Variants in RCBTB1 observed in about 807,000 individuals in gnomAD.
RCBTB1 encodes RCC1 and BTB domain containing protein 1, also known as RCC1 and BTB domain-containing protein 1.
A neutral mutation model predicts 62.4 loss-of-function variants in RCBTB1; 46 were observed. The observed-to-expected ratio is 0.74, with a 90% confidence interval of 0.58 to 0.94. The LOEUF is 0.94. RCBTB1 is among the 40% of genes least tolerant of loss of function. The pLI, the probability that RCBTB1 is intolerant of heterozygous loss-of-function variation, is 0.00. For missense variants in RCBTB1, 565 were observed against 654.9 expected (o/e 0.86, Z 1.50); for synonymous variants, 222 against 245.8 (o/e 0.90, Z 0.91).
intron 5 of RCBTB1, among the ~76,000 whole-genome samples, chr13:49,556,601 C>T (rs547308103): frequency 6.6e-6 from 1 of 152,250 alleles, no homozygotes; most frequent in East Asian, 1.9e-4. Flanking sequence ...TAAGCCCCCG[C>T]TCCCCACCCT....
At chr13:49,553,690 T>C (rs1961592287) in intron 6 of RCBTB1, among the ~76,000 whole-genome samples, 1 of 152,056 alleles carries the variant, frequency 6.6e-6, no homozygotes, top group Admixed American at 6.6e-5. Flanking sequence ...AGACATAGAC[T>C]GGGGCTTTTC....
At chr13:49,569,727 A>AAAAAAG (rs1963273639) in intron 2 of RCBTB1, among the ~76,000 whole-genome samples, 1 of 151,240 alleles carries the variant, frequency 6.6e-6, no homozygotes, top group Admixed American at 6.6e-5. Context: ...TCAAAAAAAA[A>AAAAAAG]AAAGAAAGAA....
rs766281507 is a variant in RCBTB1 at position 49,540,874 on chromosome 13, A to T, written c.1455+2T>A. ...CTGGTTTCTGTTTGTTGTTTAAGTT[A>T]CCTCTGCATCATATCTGACTGCAGC... On this transcript the variant is annotated splice_donor_variant, in intron 12 of 12. Coordinates refer to ENST00000378302, the MANE Select transcript of RCBTB1 (RefSeq NM_018191.4). LOFTEE classifies it high-confidence loss of function. 6.2e-7 allele frequency: 1 copy of T among 1,611,502 alleles called. No individual in the cohort carries two copies. The highest frequency in any genetic ancestry group is 8.5e-7 in the Non-Finnish European group (1 of 1,179,356).
chr13:49,536,938 G>A (rs1294807142), intron 12 of RCBTB1, among the ~76,000 whole-genome samples: 1 of 152,130 alleles, frequency 6.6e-6, no homozygotes, highest in African/African-American at 2.4e-5. Flanking sequence ...TATATACTCT[G>A]AAAATAAGCT....
At chr13:49,583,215 G>A (rs995602020) in intron 1 of RCBTB1, among the ~76,000 whole-genome samples, 1 of 151,996 alleles carries the variant, frequency 6.6e-6, no homozygotes, top group Non-Finnish European at 1.5e-5. Flanking sequence ...GGGTAAAATG[G>A]TGAAGTCTGA....
In RCBTB1 at chr13:49,567,194, G is replaced by A. The variant is rs202123523; in HGVS notation, c.86C>T (p.Thr29Ile). The A allele has an allele frequency of 6.2e-6, 10 of 1,614,036 alleles. 1 individual carries two copies. In the South Asian group the frequency reaches 6.6e-5, roughly 11 times the overall value. Reference protein sequence around the residue: ...ASIRKACVFGTSASEALYVTD... With the variant: ...ASIRKACVFGISASEALYVTD... Reference sequence around the variant, plus strand: ...AACGTACAGTGCTTCACTGGCTGAGGTGCCGAAGACACACGCCTTCCGAAT... The same window carrying A: ...AACGTACAGTGCTTCACTGGCTGAGATGCCGAAGACACACGCCTTCCGAAT... The change falls in exon 3 of 13, where the codon ACC (threonine) becomes ATC (isoleucine). Residue 29 changes from threonine (T) to isoleucine (I), a missense_variant. Transcript: ENST00000378302.
At chr13:49,549,050 T>G (rs1961081305) in intron 9 of RCBTB1, among the ~76,000 whole-genome samples, 1 of 105,486 alleles carries the variant, frequency 9.5e-6, no homozygotes, top group Non-Finnish European at 1.8e-5. Flanking sequence ...GAAAATCTCT[T>G]GAACTCGGGA....
rs1261129889 is a variant in RCBTB1 at position 49,534,104 on chromosome 13, AC to A, written c.*17del. 1.9e-6 allele frequency: 3 copies of A among 1,612,004 alleles called. No homozygotes were observed. The highest frequency in any genetic ancestry group is 2.2e-5 in the East Asian group (1 of 44,868). ...CAGTGCCCCAGAGCACTCACACAGA[AC>A]CCAGCAGCCTTGCGCTTCAGTTCTT... On this transcript the variant is annotated 3_prime_UTR_variant, in exon 13 of 13. Transcript: ENST00000378302.
chr13:49,534,393 T>A, intron 12 of RCBTB1, 131 bp from the exon 13 acceptor site: 1 of 882,542 alleles, frequency 1.1e-6, no homozygotes, highest in Admixed American at 2.8e-5. Flanking sequence ...GCCAGATACC[T>A]AAAACTAGGC....
intron 2 of RCBTB1, among the ~76,000 whole-genome samples, chr13:49,574,735 TAGC>T (rs1963655595): frequency 6.6e-6 from 1 of 151,354 alleles, no homozygotes; most frequent in Non-Finnish European, 1.5e-5. Context: ...ACTCCATTTC[TAGC>T]ATATACCCCA....
chr13:49,551,487 G>A lies in RCBTB1; in HGVS notation c.712-19C>T, dbSNP rs751620467. ...AGACAATCTGCAAGTAAATTGAAAC[G>A]GTTACCATTAGCAGGAAAACAGGAA... On this transcript the variant is annotated intron_variant, in intron 7 of 12. Transcript: ENST00000378302. The A allele has an allele frequency of 5.6e-6, 9 of 1,613,562 alleles. No individual in the cohort carries two copies. The highest frequency in any genetic ancestry group is 1.1e-5 in the South Asian group (1 of 90,980).
Position 49,547,018 on chromosome 13 carries a change from C to G in RCBTB1, c.1046-2155G>C, listed in dbSNP as rs190417544. 2.1e-5 allele frequency: 25 copies of G among 1,195,172 alleles called. No individual in the cohort carries two copies. In the Admixed American group the frequency reaches 8.6e-4, roughly 41 times the overall value. The allele number at this position is 1,195,172 out of a possible 1,614,324, so 74.0% of individuals were successfully genotyped here. A position where few individuals can be genotyped will look rare whatever the true frequency, so the allele number is the denominator to read the frequency against. ...CCTGTGCCATTTTAAGATATAAGAA[C>G]TGGGGGAAGCCTTTTATAACAAGTC... On this transcript the variant is annotated intron_variant, in intron 9 of 12. Transcript: ENST00000378302.
chr13:49,547,270 T>C, intron 9 of RCBTB1: 2 of 975,442 alleles, frequency 2.1e-6, no homozygotes, highest in Middle Eastern at 2.5e-4. Context: ...CAAGCTTAAC[T>C]CTTCCTAAGC....
intron 10 of RCBTB1, 108 bp from the exon 11 acceptor site, chr13:49,541,935 G>A: frequency 7.8e-7 from 1 of 1,287,092 alleles, no homozygotes; most frequent in Non-Finnish European, 1.0e-6. Flanking sequence ...GTATCCTTGG[G>A]CCGGGCGTGG....
chr13:49,571,435 C>A (rs1422860675), intron 2 of RCBTB1, among the ~76,000 whole-genome samples: 2 of 152,192 alleles, frequency 1.3e-5, no homozygotes, highest in Non-Finnish European at 2.9e-5. Context: ...TCATGAATGT[C>A]ATTTATTCCT....
intron 12 of RCBTB1, among the ~76,000 whole-genome samples, chr13:49,539,727 C>T (rs924051227): frequency 6.6e-6 from 1 of 152,124 alleles, no homozygotes; most frequent in African/African-American, 2.4e-5. Context: ...AAATCATACC[C>T]CATTTTCTAT....
intron 1 of RCBTB1, among the ~76,000 whole-genome samples, chr13:49,582,907 T>C (rs1480043831): frequency 6.6e-6 from 1 of 152,062 alleles, no homozygotes; most frequent in African/African-American, 2.4e-5. Flanking sequence ...CCGGGTGTGG[T>C]TGCTCACGCC....
At position 49,574,111 on chromosome 13, in the gene RCBTB1, A is replaced by G. The variant is rs959720388; in HGVS notation, c.-42+6394T>C. On this transcript the variant is annotated intron_variant, in intron 2 of 12. Coordinates refer to ENST00000378302, the MANE Select transcript of RCBTB1 (RefSeq NM_018191.4). Reference sequence around the variant, plus strand: ...CTTTGTATTTTTAAAATATAGTCCCAAATTTCTTTTTTTGGGGGTGGGGGG... The same window carrying G: ...CTTTGTATTTTTAAAATATAGTCCCGAATTTCTTTTTTTGGGGGTGGGGGG... Among the ~76,000 whole-genome samples the G allele has an allele frequency of 2.9e-4, 41 of 143,052 alleles. 1 individual carries two copies. Among genetic ancestry groups the G allele is most frequent in the African/African-American group, 9.1e-4 (35 of 38,462 alleles). 93.8% of individuals were successfully genotyped at this position (143,052 alleles called of 152,430 possible). A position where few individuals can be genotyped will look rare whatever the true frequency, so the allele number is the denominator to read the frequency against.
intron 9 of RCBTB1, among the ~76,000 whole-genome samples, chr13:49,545,783 G>A (rs1050514688): frequency 2.6e-5 from 4 of 152,074 alleles, no homozygotes; most frequent in Non-Finnish European, 2.9e-5. Context: ...CAAAGACCTC[G>A]GCTTCCAAGC....
Sources: allele counts gnomAD v4.1 joint callset (sites outside exome capture counted in the v4.1 genomes callset), GRCh38; gene constraint gnomAD v4.1.1; transcripts MANE v1.5; gene names NCBI Gene and HGNC (gene_info 2026-07-23, HGNC 2026-07-21).